Variants in RPL13A observed in about 807,000 individuals in gnomAD.
RPL13A encodes ribosomal protein L13a.
In RPL13A, 4 loss-of-function variants were observed where a neutral mutation model predicts 30.8. That is an observed-to-expected ratio of 0.13 (90% CI 0.06 to 0.30). The LOEUF is 0.30. Ranked by LOEUF, RPL13A falls within the 10% of genes least tolerant of loss-of-function variation. The pLI is 1.00. For synonymous variants in RPL13A, 108 were observed against 104.2 expected (o/e 1.04, Z -0.22); for missense variants, 196 against 272.6 (o/e 0.72, Z 1.98).
At position 49,490,971 on chromosome 19, in the gene RPL13A, G is replaced by A. The variant is rs199646193; in HGVS notation, c.343-69G>A. The A allele has an allele frequency of 4.6e-4, 745 of 1,606,626 alleles. 1 individual carries two copies. The highest frequency in any genetic ancestry group is 5.4e-4 in the Non-Finnish European group (628 of 1,173,312). ...TCATGAAAGCAGCACTGGCTGAGAC[G>A]CCAGTCCAGCCGACCTCCTTCCCTG... is the stretch of plus-strand genomic sequence containing the variant. On this transcript the variant is annotated intron_variant, in intron 5 of 7. Transcript: ENST00000391857.
rs763064905 is a variant in RPL13A at position 49,490,249 on chromosome 19, G to A, written c.106G>A (p.Val36Ile). The change falls in exon 3 of 8, where the codon GTA becomes ATA. Residue 36 changes from valine to isoleucine, a missense_variant. By Grantham distance (29) the Val-to-Ile change is conservative. Coordinates refer to ENST00000391857, the MANE Select transcript of RPL13A (RefSeq NM_012423.4). Reference protein sequence around the residue: ...QVLLGRKVVVVRCEGINISGN... With the variant: ...QVLLGRKVVVIRCEGINISGN... ...CCCTCTAGGCCGGAAGGTGGTGGTCGTACGCTGTGAAGGCATCAACATTTC... is the reference window on the plus strand; with the variant it reads ...CCCTCTAGGCCGGAAGGTGGTGGTCATACGCTGTGAAGGCATCAACATTTC... 4.8e-5 allele frequency: 77 copies of A among 1,614,018 alleles called. No individual in the cohort carries two copies. In the Middle Eastern group the frequency reaches 6.6e-4, roughly 14 times the overall value.
Position 49,490,591 on chromosome 19 carries a change from G to T in RPL13A, c.256+15G>T, listed in dbSNP as rs773561003. 2.5e-6 allele frequency: 4 copies of T among 1,613,328 alleles called. No individual in the cohort carries two copies. The highest frequency in any genetic ancestry group is 4.5e-5 in the East Asian group (2 of 44,882). On this transcript the variant is annotated intron_variant, in intron 4 of 7. Coordinates refer to ENST00000391857, the MANE Select transcript of RPL13A (RefSeq NM_012423.4). ...GACCGTGCGAGGTGAGCAGAGCGTG[G>T]GGACTGCAGGTGGTGACGGGCAGGC...
chr19:49,490,765 C>T lies in RPL13A; in HGVS notation c.257-14C>T, dbSNP rs932111381. 1 of 1,614,062 alleles carries T rather than the reference C, an allele frequency of 6.2e-7. No individual in the cohort carries two copies. The highest frequency in any genetic ancestry group is 8.5e-7 in the Non-Finnish European group (1 of 1,179,936). On this transcript the variant is annotated splice_polypyrimidine_tract_variant and intron_variant, in intron 4 of 7. Coordinates refer to ENST00000391857, the MANE Select transcript of RPL13A (RefSeq NM_012423.4). Reference sequence around the variant, plus strand: ...GAGGCCCTCTGACTGGGCCTGCTATCTGTCACCCAACAGGTATGCTGCCCC... The same window carrying T: ...GAGGCCCTCTGACTGGGCCTGCTATTTGTCACCCAACAGGTATGCTGCCCC...
chr19:49,490,460 C>G lies in RPL13A; in HGVS notation c.155-15C>G, dbSNP rs779409964. On this transcript the variant is annotated splice_polypyrimidine_tract_variant and intron_variant, in intron 3 of 7. Coordinates refer to ENST00000391857, the MANE Select transcript of RPL13A (RefSeq NM_012423.4). ...TGGTAGACTGGGCAGGCCTCACACTCTCCCCTCTCCCTAGTGAAGTACCTG... is the reference window on the plus strand; with the variant it reads ...TGGTAGACTGGGCAGGCCTCACACTGTCCCCTCTCCCTAGTGAAGTACCTG... The G allele has an allele frequency of 1.2e-6, 2 of 1,613,290 alleles. No homozygotes were observed. Among genetic ancestry groups the G allele is most frequent in the Admixed American group, 1.7e-5 (1 of 60,018 alleles).
chr19:49,488,081 C>T (rs1197797890), intron 1 of RPL13A, among the ~76,000 whole-genome samples: 2 of 152,128 alleles, frequency 1.3e-5, no homozygotes, highest in Non-Finnish European at 2.9e-5. Flanking sequence ...GCTCAGTGCG[C>T]GGGCTACTTT....
intron 6 of RPL13A, 25 bp from the exon 7 acceptor site, chr19:49,491,400 T>TCCCCCCCCCCC: frequency 2.0e-6 from 2 of 976,856 alleles, no homozygotes; most frequent in Non-Finnish European, 2.8e-6. Flanking sequence ...CTTCATTTGT[T>TCCCCCCCCCCC]CACCCCCCCC....
Position 49,489,882 on chromosome 19 carries a change from G to T in RPL13A, c.48G>T (p.Leu16=). 2 of 1,614,164 alleles carry T rather than the reference G, an allele frequency of 1.2e-6. No homozygotes were observed. Among genetic ancestry groups the T allele is most frequent in the African/African-American group, 2.7e-5 (2 of 75,070 alleles). The change falls in exon 2 of 8, where the codon CTG becomes CTT. Residue 16 remains leucine, a synonymous_variant. Transcript: ENST00000391857. ...VLVLDGRGHL[L]GRLAAIVAKQ... is the part of the protein sequence containing the mutation. Reference sequence around the variant, plus strand: ...TGCTTGATGGTCGAGGCCATCTCCTGGGCCGCCTGGCGGCCATCGTGGCTA... The same window carrying T: ...TGCTTGATGGTCGAGGCCATCTCCTTGGCCGCCTGGCGGCCATCGTGGCTA...
intron 1 of RPL13A, among the ~76,000 whole-genome samples, chr19:49,488,507 G>A (rs980695537): frequency 6.6e-6 from 1 of 152,232 alleles, no homozygotes; most frequent in Non-Finnish European, 1.5e-5. Flanking sequence ...GCGTAGTTCA[G>A]TTAACCATAT....
intron 1 of RPL13A, among the ~76,000 whole-genome samples, chr19:49,489,087 G>T (rs1251513049): frequency 2.0e-5 from 3 of 152,236 alleles, no homozygotes; most frequent in Admixed American, 6.5e-5. Flanking sequence ...AGCAGAGCTA[G>T]CATGGGCTTT....
At position 49,489,888 on chromosome 19, in the gene RPL13A, C is replaced by T. The variant is rs1238500866; in HGVS notation, c.54C>T (p.Arg18=). ...ATGGTCGAGGCCATCTCCTGGGCCG[C>T]CTGGCGGCCATCGTGGCTAAACAGG... ...VLDGRGHLLG[R]LAAIVAKQVL... Residue 18 remains arginine, a synonymous_variant, in exon 2 of 8, where the codon CGC becomes CGT. Transcript: ENST00000391857. The T allele has an allele frequency of 1.2e-5, 20 of 1,614,090 alleles. 1 individual carries two copies. The East Asian group carries it at 2.9e-4, about 23-fold the overall frequency.
intron 7 of RPL13A, 26 bp downstream of exon 7, chr19:49,491,573 G>A (rs1469476636): frequency 3.2e-6 from 5 of 1,554,100 alleles, no homozygotes; most frequent in Admixed American, 1.9e-5. Context: ...GGTGCTGAGG[G>A]GGGCATCTCA....
chr19:49,487,900 A>G (rs1306586511), intron 1 of RPL13A, among the ~76,000 whole-genome samples: 1 of 152,072 alleles, frequency 6.6e-6, no homozygotes, highest in Non-Finnish European at 1.5e-5. Flanking sequence ...TTTTGCAACT[A>G]GATTTTGCTT....
rs184602916 is a variant in RPL13A, at chr19:49,490,020, A to T, written c.88+98A>T. On this transcript the variant is annotated intron_variant, in intron 2 of 7. Coordinates refer to ENST00000391857, the MANE Select transcript of RPL13A (RefSeq NM_012423.4). ...TTCGTTTGAGTCTCACGGCCATGAG[A>T]TCAACCCCATGCACCGCTCTGAGAC... 50 of 1,097,106 alleles carry T rather than the reference A, an allele frequency of 4.6e-5. No homozygotes were observed. The East Asian group carries it at 1.2e-3, about 25-fold the overall frequency. 68.0% of individuals were successfully genotyped at this position (1,097,106 alleles called of 1,614,324 possible).
In RPL13A at chr19:49,488,486, C is replaced by G. The variant is rs185327046; in HGVS notation, c.15+842C>G. ...ATGTGTCTTTGTGCCTAGCACAGTT[C>G]GCAATGTTTTGCGTAGTTCAGTTAA... On this transcript the variant is annotated intron_variant, in intron 1 of 7. Transcript: ENST00000391857. Among the ~76,000 whole-genome samples the G allele has an allele frequency of 8.3e-4, 127 of 152,310 alleles. 1 individual carries two copies. The highest frequency in any genetic ancestry group is 2.8e-3 in the African/African-American group (116 of 41,548).
intron 1 of RPL13A, 78 bp from the exon 2 acceptor site, chr19:49,489,772 A>C: frequency 8.2e-7 from 1 of 1,212,962 alleles, no homozygotes; most frequent in Non-Finnish European, 1.2e-6. Context: ...CGGTAGGACA[A>C]AAGAAGGGAA....
intron 6 of RPL13A, 24 bp downstream of exon 6, chr19:49,491,123 C>A (rs558514327): frequency 6.2e-7 from 1 of 1,613,696 alleles, no homozygotes; most frequent in South Asian, 1.1e-5. Context: ...TACGCTGCAC[C>A]ATCTACTTGG....
chr19:49,489,763 G>T (rs2079845593), intron 1 of RPL13A, 87 bp from the exon 2 acceptor site: 3 of 1,104,084 alleles, frequency 2.7e-6, no homozygotes, highest in South Asian at 2.5e-5. Context: ...CTGTTGGCAC[G>T]GTAGGACAAA....
At chr19:49,491,596 C>T (rs1462118793) in intron 7 of RPL13A, 49 bp downstream of exon 7, 3 of 1,555,702 alleles carry the variant, frequency 1.9e-6, no homozygotes, top group African/African-American at 1.4e-5. Context: ...CCTGGACAGG[C>T]CTGGCAGGTG....
At position 49,489,993 on chromosome 19, in the gene RPL13A, CTTTCGT is replaced by C. The variant is rs772926088; in HGVS notation, c.88+74_88+79del. 1.5e-5 allele frequency: 19 copies of C among 1,283,574 alleles called. No homozygotes were observed. The East Asian group carries it at 3.2e-4, about 22-fold the overall frequency. 79.5% of individuals were successfully genotyped at this position (1,283,574 alleles called of 1,614,324 possible). Reference sequence around the variant, plus strand: ...GTCAGTGATGAGCAACATTCACCATCTTTCGTTTGAGTCTCACGGCCATGAGATCAA... The same window carrying C: ...GTCAGTGATGAGCAACATTCACCATCTTGAGTCTCACGGCCATGAGATCAA... On this transcript the variant is annotated intron_variant, in intron 2 of 7. Transcript: ENST00000391857.
Sources: allele counts gnomAD v4.1 joint callset (sites outside exome capture counted in the v4.1 genomes callset), GRCh38; gene constraint gnomAD v4.1.1; transcripts MANE v1.5; gene names NCBI Gene and HGNC (gene_info 2026-07-23, HGNC 2026-07-21).